CDH11: variants seen among roughly 807,000 people sequenced by gnomAD.
CDH11 encodes cadherin 11, also known as cadherin-11.
CDH11 carries 11 observed loss-of-function variants against 67.8 expected under a neutral mutation model. That is an observed-to-expected ratio of 0.16 (90% confidence interval 0.10 to 0.27). The LOEUF (loss-of-function observed/expected upper bound fraction) is 0.27. Among genes scored for constraint, CDH11 ranks in the 10% least tolerant of loss-of-function variants. The pLI, the probability that CDH11 is intolerant of heterozygous loss-of-function variation, is 1.00. For missense variants in CDH11, 847 were observed against 1,031.2 expected, an observed-to-expected ratio of 0.82 and a Z score of 2.45; for synonymous variants, 419 against 400.0, an observed-to-expected ratio of 1.05 and a Z score of -0.57.
At chr16:64,972,828 T>G (rs1483423154) in intron 9 of CDH11, 76 bp downstream of exon 9, 1 of 1,488,550 alleles carries the variant, frequency 6.7e-7, no homozygotes, top group African/African-American at 1.4e-5. Context: ...TCTCAGCTAT[T>G]TTACTTTCCA....
intron 1 of CDH11, among the ~76,000 whole-genome samples, chr16:65,092,793 A>AT (rs2074814338): frequency 1.3e-5 from 2 of 152,076 alleles, no homozygotes; most frequent in African/African-American, 4.8e-5. Flanking sequence ...CCAAAAAAAA[A>AT]AAAAAAGTGC....
At chr16:64,994,234 T>C (rs1041867614) in intron 4 of CDH11, among the ~76,000 whole-genome samples, 2 of 152,188 alleles carry the variant, frequency 1.3e-5, no homozygotes, top group African/African-American at 4.8e-5. Context: ...CTCTTCCCAT[T>C]TGTCAGTCAC....
intron 2 of CDH11, among the ~76,000 whole-genome samples, chr16:65,048,203 TCG>T (rs2073996119): frequency 1.3e-5 from 2 of 152,190 alleles, no homozygotes. Context: ...TTCAGTCACC[TCG>T]CTGCATTAGC....
Position 64,946,276 on chromosome 16 carries a change from C to G in CDH11, c.*1327G>C, listed in dbSNP as rs2071194272. The G allele has an allele frequency of 1.9e-6, 2 of 1,046,668 alleles. No homozygotes were observed. Among genetic ancestry groups the G allele is most frequent in the Middle Eastern group, 4.3e-4 (1 of 2,304 alleles). The allele number at this position is 1,046,668 out of a possible 1,614,324, so 64.8% of individuals were successfully genotyped here. On this transcript the variant is annotated 3_prime_UTR_variant, in exon 13 of 13. Coordinates refer to ENST00000268603, the MANE Select transcript of CDH11 (RefSeq NM_001797.4). ...GAGTCTTACAATAGCCTGGTAAGTT[C>G]AACAGAAGAAAAAATAGAATAACAT...
rs1292994082 is a variant in CDH11, at chr16:65,121,948, TCAGTCCCGGCCC to T, written c.-378_-367del. On this transcript the variant is annotated 5_prime_UTR_variant, in exon 1 of 13. Coordinates refer to ENST00000268603, the MANE Select transcript of CDH11 (RefSeq NM_001797.4). This position sits in a 1 kb window ranked among gnomAD's most constrained non-coding sequence, Gnocchi z 4.1. ...CTGGCGCAGGGCAAGCGCTGCGGTG[TCAGTCCCGGCCC>T]CAGTCCCGGTCCCATTCACAAGTCA... The T allele has an allele frequency of 2.9e-6, 2 of 701,736 alleles. No individual in the cohort carries two copies. Among genetic ancestry groups the T allele is most frequent in the South Asian group, 3.0e-5 (2 of 67,550 alleles). 43.5% of individuals were successfully genotyped at this position (701,736 alleles called of 1,614,324 possible). A position where few individuals can be genotyped will look rare whatever the true frequency, so the allele number is the denominator to read the frequency against.
intron 2 of CDH11, among the ~76,000 whole-genome samples, chr16:65,022,241 A>AG (rs1295976361): frequency 3.2e-5 from 1 of 30,866 alleles, no homozygotes; most frequent in African/African-American, 9.7e-5. Flanking sequence ...AAGAAAACCA[A>AG]TTTAAAAAAA....
At chr16:64,983,684 A>T (rs757542941) in intron 7 of CDH11, among the ~76,000 whole-genome samples, 1 of 152,150 alleles carries the variant, frequency 6.6e-6, no homozygotes, top group Non-Finnish European at 1.5e-5. Context: ...CCTAAATCTA[A>T]ATCTGCCCCC....
At position 64,946,721 on chromosome 16, in the gene CDH11, A is replaced by G. The variant is rs1268355586; in HGVS notation, c.*882T>C. 2.2e-6 allele frequency: 2 copies of G among 912,602 alleles called. No homozygotes were observed. The highest frequency in any genetic ancestry group is 5.1e-4 in the Middle Eastern group (1 of 1,966). 56.5% of individuals were successfully genotyped at this position (912,602 alleles called of 1,614,324 possible). Reference sequence around the variant, plus strand: ...AAAAGATCACAATTAAATTAGAAATATAAATGGATCATTAGAAATACTTAA... The same window carrying G: ...AAAAGATCACAATTAAATTAGAAATGTAAATGGATCATTAGAAATACTTAA... On this transcript the variant is annotated 3_prime_UTR_variant, in exon 13 of 13. Transcript: ENST00000268603.
intron 4 of CDH11, among the ~76,000 whole-genome samples, chr16:64,997,486 C>T (rs2072804097): frequency 6.6e-6 from 1 of 151,588 alleles, no homozygotes; most frequent in Admixed American, 6.6e-5. Context: ...TGATGATTTG[C>T]CTTTCCACCC....
At chr16:65,027,293 C>T (rs1367888031) in intron 2 of CDH11, among the ~76,000 whole-genome samples, 1 of 152,180 alleles carries the variant, frequency 6.6e-6, no homozygotes, top group African/African-American at 2.4e-5. Flanking sequence ...ATTTTTAGAG[C>T]ACCATTGTAA....
chr16:64,965,205 CAAAAAAAAAAA>C lies in CDH11; in HGVS notation c.1642+6363_1642+6373del, dbSNP rs71143537. Among the ~76,000 whole-genome samples, 394 of 56,946 alleles carry C rather than the reference CAAAAAAAAAAA, an allele frequency of 6.9e-3. 3 individuals carry two copies. Among genetic ancestry groups the C allele is most frequent in the African/African-American group, 0.032 (357 of 11,208 alleles). 37.4% of individuals were successfully genotyped at this position (56,946 alleles called of 152,430 possible). On this transcript the variant is annotated intron_variant, in intron 11 of 12. Transcript: ENST00000268603. ...GAAACCCCATCTCTACTAAAAATAC[CAAAAAAAAAAA>C]AAAAAAAAAAAAAAAATTAGCCGGG...
intron 1 of CDH11, among the ~76,000 whole-genome samples, chr16:65,088,524 TA>T (rs1243818859): frequency 6.6e-6 from 1 of 152,200 alleles, no homozygotes; most frequent in East Asian, 1.9e-4. Flanking sequence ...TCTACATTAT[TA>T]AAAATATATT....
chr16:65,118,085 G>C (rs1247175220), intron 1 of CDH11, among the ~76,000 whole-genome samples: 1 of 152,166 alleles, frequency 6.6e-6, no homozygotes, highest in Non-Finnish European at 1.5e-5. Context: ...GACAAGGCTT[G>C]TAAGTAACAA....
intron 2 of CDH11, among the ~76,000 whole-genome samples, chr16:65,048,120 A>G (rs1056820382): frequency 6.6e-6 from 1 of 152,236 alleles, no homozygotes; most frequent in Non-Finnish European, 1.5e-5. Context: ...ATGGTTCTCA[A>G]GATGACTGAT....
At chr16:65,029,491 A>G (rs1277433086) in intron 2 of CDH11, among the ~76,000 whole-genome samples, 1 of 152,214 alleles carries the variant, frequency 6.6e-6, no homozygotes, top group Non-Finnish European at 1.5e-5. Flanking sequence ...CAAGAATAAT[A>G]AAGGTCTTGA....
At chr16:64,969,033 C>T (rs994598445) in intron 11 of CDH11, among the ~76,000 whole-genome samples, 2 of 152,070 alleles carry the variant, frequency 1.3e-5, no homozygotes, top group Non-Finnish European at 2.9e-5. Flanking sequence ...GTAGCAATTT[C>T]CTGCAAAAAT....
In CDH11 at chr16:64,979,928, C is replaced by T. The variant is rs542123460; in HGVS notation, c.1253+2120G>A. On this transcript the variant is annotated intron_variant, in intron 8 of 12. Coordinates refer to ENST00000268603, the MANE Select transcript of CDH11 (RefSeq NM_001797.4). Reference sequence around the variant, plus strand: ...TGATGCACTCTGCAACATGTATGAACCTCAAAATCATTATGCTACATGCAA... The same window carrying T: ...TGATGCACTCTGCAACATGTATGAATCTCAAAATCATTATGCTACATGCAA... Among the ~76,000 whole-genome samples, 5 of 152,264 alleles carry T rather than the reference C, an allele frequency of 3.3e-5. No homozygotes were observed. In the South Asian group the frequency reaches 1.0e-3, roughly 32 times the overall value.
At chr16:65,041,062 T>G (rs1027235564) in intron 2 of CDH11, among the ~76,000 whole-genome samples, 2 of 152,218 alleles carry the variant, frequency 1.3e-5, no homozygotes, top group African/African-American at 4.8e-5. Context: ...AACTCTTCTC[T>G]AAAGTCCACA....
chr16:64,970,423 T>A (rs1267815407), intron 11 of CDH11, among the ~76,000 whole-genome samples: 1 of 152,192 alleles, frequency 6.6e-6, no homozygotes, highest in Non-Finnish European at 1.5e-5. Context: ...AACCCAGCCG[T>A]AACTTTTATT....
Sources: gnomAD v4.1 joint callset for allele counts (sites outside exome capture counted in the v4.1 genomes callset) on GRCh38, gnomAD v4.1.1 for gene constraint, Gnocchi (gnomAD v3.1) non-coding constraint, MANE v1.5 for transcripts, NCBI Gene and HGNC (gene_info 2026-07-23, HGNC 2026-07-21) for gene names.